Variants in KCNC2 observed in about 807,000 individuals in gnomAD.
KCNC2 encodes voltage-gated potassium channel KCNC2.
Under a neutral mutation model 44.5 loss-of-function variants are expected in KCNC2, and 21 were observed. That is an observed-to-expected ratio of 0.47 (90% CI 0.33 to 0.68). KCNC2 has a LOEUF of 0.68. KCNC2 is among the 30% of genes least tolerant of loss of function. The pLI, the probability that KCNC2 is intolerant of heterozygous loss-of-function variation, is 0.01. For synonymous variants in KCNC2, 391 were observed against 339.1 expected, an observed-to-expected ratio of 1.15 and a Z score of -1.68; for missense variants, 589 against 826.2, an observed-to-expected ratio of 0.71 and a Z score of 3.52.
At chr12:75,183,899 A>G (rs1892763495) in intron 2 of KCNC2, among the ~76,000 whole-genome samples, 1 of 152,088 alleles carries the variant, frequency 6.6e-6, no homozygotes, top group Non-Finnish European at 1.5e-5. Context: ...TTCTCTTTCC[A>G]TTCCACCTCT....
intron 2 of KCNC2, among the ~76,000 whole-genome samples, chr12:75,168,103 A>C (rs1386889079): frequency 1.4e-5 from 2 of 144,662 alleles, no homozygotes; most frequent in Non-Finnish European, 3.1e-5. Context: ...GCCCTCCTAA[A>C]ACTGAAAAAA....
intron 2 of KCNC2, among the ~76,000 whole-genome samples, chr12:75,128,530 A>C (rs1049978619): frequency 3.9e-5 from 6 of 152,204 alleles, no homozygotes; most frequent in African/African-American, 1.4e-4. Flanking sequence ...TCCCAAAGAC[A>C]GCAGAGCATA....
At chr12:75,194,070 G>A (rs1018959296) in intron 2 of KCNC2, among the ~76,000 whole-genome samples, 9 of 152,086 alleles carry the variant, frequency 5.9e-5, no homozygotes, top group African/African-American at 2.2e-4. Flanking sequence ...AAATAAGAAA[G>A]ATTCCCTGAA....
At chr12:75,133,601 A>C (rs2137357302) in intron 2 of KCNC2, among the ~76,000 whole-genome samples, 1 of 152,130 alleles carries the variant, frequency 6.6e-6, no homozygotes, top group African/African-American at 2.4e-5. Context: ...ACCATATATA[A>C]AATTTTTACT....
Position 75,202,220 on chromosome 12 carries a change from C to T in KCNC2, c.687+5077G>A, listed in dbSNP as rs138866695. 5.0e-3 allele frequency among the ~76,000 whole-genome samples: 763 copies of T among 151,906 alleles called. 3 individuals carry two copies. The highest frequency in any genetic ancestry group is 0.018 in the African/African-American group (742 of 41,506). On this transcript the variant is annotated intron_variant, in intron 2 of 4. Transcript: ENST00000549446. Reference sequence around the variant, plus strand: ...GCAAAATATTACAGAAGAGATCATACCTAATCTATCCAACTATATTCACTT... The same window carrying T: ...GCAAAATATTACAGAAGAGATCATATCTAATCTATCCAACTATATTCACTT...
At chr12:75,135,321 G>A (rs1889149577) in intron 2 of KCNC2, among the ~76,000 whole-genome samples, 1 of 151,824 alleles carries the variant, frequency 6.6e-6, no homozygotes, top group African/African-American at 2.4e-5. Context: ...ATGTGATAAT[G>A]ATGGTAGTTA....
chr12:75,109,895 A>T (rs1000590061), intron 2 of KCNC2, among the ~76,000 whole-genome samples: 23 of 151,988 alleles, frequency 1.5e-4, no homozygotes, highest in African/African-American at 4.6e-4. Flanking sequence ...AAAAAATCTA[A>T]TTTTTTTTAA....
chr12:75,122,362 G>GCTCTATTT (rs1212493160), intron 2 of KCNC2, among the ~76,000 whole-genome samples: 13 of 152,178 alleles, frequency 8.5e-5, no homozygotes, highest in Non-Finnish European at 1.8e-4. Flanking sequence ...TTATAAGGTA[G>GCTCTATTT]AAAGAGAAGA....
At chr12:75,116,480 A>G (rs1024520695) in intron 2 of KCNC2, among the ~76,000 whole-genome samples, 5 of 152,198 alleles carry the variant, frequency 3.3e-5, no homozygotes, top group Non-Finnish European at 5.9e-5. Flanking sequence ...ACATAACATT[A>G]TTTTCTTATT....
At chr12:75,160,392 C>T (rs1375825289) in intron 2 of KCNC2, among the ~76,000 whole-genome samples, 3 of 151,708 alleles carry the variant, frequency 2.0e-5, no homozygotes, top group Non-Finnish European at 4.4e-5. Flanking sequence ...GCACCACTAG[C>T]AAACTAATAC....
At chr12:75,191,948 A>T (rs1565682315) in intron 2 of KCNC2, among the ~76,000 whole-genome samples, 5 of 152,214 alleles carry the variant, frequency 3.3e-5, no homozygotes, top group Admixed American at 2.6e-4. Flanking sequence ...TTATAAATGA[A>T]GACTTTTTTC....
At chr12:75,174,238 T>C (rs530122890) in intron 2 of KCNC2, among the ~76,000 whole-genome samples, 1 of 151,992 alleles carries the variant, frequency 6.6e-6, no homozygotes, top group Non-Finnish European at 1.5e-5. Flanking sequence ...GTAAAATATT[T>C]AAGTTTGTTA....
intron 2 of KCNC2, among the ~76,000 whole-genome samples, chr12:75,127,930 C>G (rs905056403): frequency 6.6e-6 from 1 of 152,068 alleles, no homozygotes; most frequent in Admixed American, 6.6e-5. Flanking sequence ...TTTTCTATTA[C>G]TTTTTCTCCA....
intron 4 of KCNC2, among the ~76,000 whole-genome samples, chr12:75,044,320 G>A (rs923651882): frequency 1.3e-5 from 2 of 151,586 alleles, no homozygotes; most frequent in Admixed American, 1.3e-4. Context: ...TTCTTTTTTG[G>A]CAACCAAAAT....
intron 2 of KCNC2, among the ~76,000 whole-genome samples, chr12:75,053,448 A>G (rs558374202): frequency 9.9e-5 from 15 of 152,138 alleles, no homozygotes; most frequent in Non-Finnish European, 1.8e-4. Flanking sequence ...ATACTTGTGC[A>G]TAAATAAAAC....
intron 2 of KCNC2, among the ~76,000 whole-genome samples, chr12:75,088,831 A>C (rs1420072339): frequency 1.3e-5 from 2 of 152,022 alleles, no homozygotes; most frequent in Non-Finnish European, 2.9e-5. Context: ...TATATAATCT[A>C]ATATATAAAA....
chr12:75,177,778 C>G (rs572158965), intron 2 of KCNC2, among the ~76,000 whole-genome samples: 4 of 152,074 alleles, frequency 2.6e-5, no homozygotes, highest in Admixed American at 2.6e-4. Flanking sequence ...AATTTACCTA[C>G]AAGAGAAATG....
chr12:75,132,259 T>C (rs1163320511), intron 2 of KCNC2, among the ~76,000 whole-genome samples: 1 of 152,198 alleles, frequency 6.6e-6, no homozygotes, highest in East Asian at 1.9e-4. Flanking sequence ...TAGCTATTTC[T>C]ATTGAAAATC....
chr12:75,089,490 C>G (rs1336233388), intron 2 of KCNC2, among the ~76,000 whole-genome samples: 5 of 151,754 alleles, frequency 3.3e-5, no homozygotes, highest in Admixed American at 1.3e-4. Context: ...AATAAAAATA[C>G]AATCCACCTA....
Sources: gnomAD v4.1 joint callset for allele counts (sites outside exome capture counted in the v4.1 genomes callset) on GRCh38, gnomAD v4.1.1 for gene constraint, MANE v1.5 for transcripts, NCBI Gene and HGNC (gene_info 2026-07-23, HGNC 2026-07-21) for gene names.